PARD3: variants seen among roughly 807,000 people sequenced by gnomAD.
PARD3 encodes the protein par-3 family cell polarity regulator.
Under a neutral mutation model 155.4 loss-of-function variants are expected in PARD3, and 75 were observed. The observed-to-expected ratio is 0.48, with a 90% CI of 0.40 to 0.58. PARD3 has a LOEUF of 0.58. Among genes scored for constraint, PARD3 ranks in the 20% least tolerant of loss-of-function variants. The pLI is 0.00. For missense variants in PARD3, 1,642 were observed against 1,721.7 expected (o/e 0.95, Z 0.82); for synonymous variants, 576 against 610.5 (o/e 0.94, Z 0.83).
intron 2 of PARD3, among the ~76,000 whole-genome samples, chr10:34,681,279 G>A (rs2093813232): frequency 6.6e-6 from 1 of 151,996 alleles, no homozygotes; most frequent in Non-Finnish European, 1.5e-5. Context: ...TATTTTAAAA[G>A]TATTGTTCTG....
intron 1 of PARD3, among the ~76,000 whole-genome samples, chr10:34,786,567 G>T (rs2134209984): frequency 6.6e-6 from 1 of 152,256 alleles, no homozygotes; most frequent in Non-Finnish European, 1.5e-5. Context: ...GCAATTTTAT[G>T]AATGGCAAAT....
intron 22 of PARD3, among the ~76,000 whole-genome samples, chr10:34,193,804 T>C (rs1216902382): frequency 6.6e-6 from 1 of 152,178 alleles, no homozygotes; most frequent in Non-Finnish European, 1.5e-5. Flanking sequence ...TGGGCCACCC[T>C]TTATGAGAGA....
At chr10:34,771,283 G>A (rs1838825891) in intron 1 of PARD3, among the ~76,000 whole-genome samples, 1 of 152,176 alleles carries the variant, frequency 6.6e-6, no homozygotes, top group African/African-American at 2.4e-5. Context: ...CTCAGAACGT[G>A]GCTCTGCCTG....
chr10:34,164,504 C>T (rs1321813843), intron 22 of PARD3, among the ~76,000 whole-genome samples: 1 of 152,144 alleles, frequency 6.6e-6, no homozygotes, highest in South Asian at 2.1e-4. Context: ...AAGCTTTCAA[C>T]TAAGAGTAGT....
chr10:34,436,790 T>A (rs1006488922), intron 5 of PARD3, among the ~76,000 whole-genome samples: 3 of 152,026 alleles, frequency 2.0e-5, no homozygotes, highest in Admixed American at 2.0e-4. Context: ...TGTCAGTCTA[T>A]AAGGATTGCC....
intron 22 of PARD3, among the ~76,000 whole-genome samples, chr10:34,181,431 GGAT>G (rs1310536806): frequency 1.3e-5 from 2 of 152,100 alleles, no homozygotes; most frequent in Non-Finnish European, 1.5e-5. Flanking sequence ...AAACTCAGAG[GGAT>G]GATGATATTA....
Position 34,362,059 on chromosome 10 carries a change from C to T in PARD3, c.1708-1800G>A, listed in dbSNP as rs190010354. ...TTGGGAGGCCGACGCAGGTGGATCA[C>T]GAGGTCGAAGCAGGTGGATCACGAG... On this transcript the variant is annotated intron_variant, in intron 12 of 24. Coordinates refer to ENST00000374788, the MANE Select transcript of PARD3 (RefSeq NM_001184785.2). Among the ~76,000 whole-genome samples, 7 of 152,090 alleles carry T rather than the reference C, an allele frequency of 4.6e-5. No individual in the cohort carries two copies. In the East Asian group the frequency reaches 7.7e-4, roughly 17 times the overall value.
intron 5 of PARD3, among the ~76,000 whole-genome samples, chr10:34,447,804 C>CAAAAAAAAAAAAAA (rs59698806): frequency 7.0e-6 from 1 of 143,534 alleles, no homozygotes; most frequent in Admixed American, 6.9e-5. Context: ...GACTCTGTCT[C>CAAAAAAAAAAAAAA]AAAAGAAAGA....
chr10:34,754,962 G>C (rs542632508), intron 1 of PARD3, among the ~76,000 whole-genome samples: 1 of 152,340 alleles, frequency 6.6e-6, no homozygotes, highest in East Asian at 1.9e-4. Flanking sequence ...AAGACTACGT[G>C]TAAGAAGTCC....
chr10:34,735,702 T>C (rs2094900724), intron 1 of PARD3, among the ~76,000 whole-genome samples: 1 of 152,230 alleles, frequency 6.6e-6, no homozygotes, highest in Non-Finnish European at 1.5e-5. Context: ...TCAGGCCCTT[T>C]GCAGTATAAA....
intron 1 of PARD3, among the ~76,000 whole-genome samples, chr10:34,779,953 G>A (rs575421425): frequency 1.2e-4 from 19 of 152,208 alleles, no homozygotes; most frequent in African/African-American, 4.1e-4. Flanking sequence ...CTAAATGCTC[G>A]GAAGTAAACA....
intron 2 of PARD3, among the ~76,000 whole-genome samples, chr10:34,620,220 C>A (rs2091561614): frequency 6.6e-6 from 1 of 152,160 alleles, no homozygotes. Flanking sequence ...CAGAAGACAT[C>A]ACCCACCTCC....
intron 3 of PARD3, among the ~76,000 whole-genome samples, chr10:34,475,167 GAAC>G (rs1589706008): frequency 6.6e-6 from 1 of 152,086 alleles, no homozygotes; most frequent in African/African-American, 2.4e-5. Flanking sequence ...GTGAAAATGA[GAAC>G]AACTTTAAAA....
chr10:34,145,875 T>C (rs1948481787), intron 22 of PARD3, among the ~76,000 whole-genome samples: 2 of 152,302 alleles, frequency 1.3e-5, no homozygotes, highest in African/African-American at 4.8e-5. Flanking sequence ...GATTAGTCAC[T>C]GTGTGCTTCA....
intron 2 of PARD3, among the ~76,000 whole-genome samples, chr10:34,552,300 CTA>C: frequency 6.6e-6 from 1 of 152,310 alleles, no homozygotes; most frequent in East Asian, 1.9e-4. Context: ...TGTAGAGATG[CTA>C]TGTCATCCAG....
intron 7 of PARD3, among the ~76,000 whole-genome samples, chr10:34,393,050 G>A (rs1223931735): frequency 6.6e-6 from 1 of 151,274 alleles, no homozygotes; most frequent in Admixed American, 6.6e-5. Context: ...GGGCCATGAT[G>A]CCTAAAATAC....
chr10:34,429,368 G>T (rs1401321722), intron 5 of PARD3, among the ~76,000 whole-genome samples: 1 of 151,308 alleles, frequency 6.6e-6, no homozygotes, highest in Non-Finnish European at 1.5e-5. Flanking sequence ...AGAAGCATTA[G>T]AACCACAAGT....
At chr10:34,697,743 A>T (rs1249574934) in intron 1 of PARD3, among the ~76,000 whole-genome samples, 1 of 147,858 alleles carries the variant, frequency 6.8e-6, no homozygotes, top group Non-Finnish European at 1.5e-5. Flanking sequence ...TATCTAGAAC[A>T]CAGAGAGTAA....
intron 4 of PARD3, among the ~76,000 whole-genome samples, chr10:34,461,840 C>CT (rs2077673137): frequency 6.6e-6 from 1 of 152,138 alleles, no homozygotes; most frequent in Non-Finnish European, 1.5e-5. Flanking sequence ...ATTTATACTC[C>CT]TGCAGTGGTT....
Sources: gnomAD v4.1 joint callset for allele counts (sites outside exome capture counted in the v4.1 genomes callset) on GRCh38, gnomAD v4.1.1 for gene constraint, MANE v1.5 for transcripts, NCBI Gene and HGNC (gene_info 2026-07-23, HGNC 2026-07-21) for gene names.